Variants in RAP1A observed in about 807,000 individuals in gnomAD.
RAP1A encodes the protein RAP1A, member of RAS oncogene family.
Under a neutral mutation model 26.4 loss-of-function variants are expected in RAP1A, and 6 were observed. The observed-to-expected ratio is 0.23, with a 90% CI of 0.12 to 0.45. RAP1A has a LOEUF of 0.45. Among genes scored for constraint, RAP1A ranks in the 20% least tolerant of loss-of-function variants. The pLI is 0.99. For synonymous variants in RAP1A, 73 were observed against 79.4 expected (o/e 0.92, Z 0.43); for missense variants, 121 against 217.2 (o/e 0.56, Z 2.78).
At chr1:111,669,026 G>GAAAAAAAAAAA (rs58557062) in intron 1 of RAP1A, among the ~76,000 whole-genome samples, 2 of 19,842 alleles carry the variant, frequency 1.0e-4, no homozygotes, top group African/African-American at 2.8e-4. Context: ...CCTATCTCAA[G>GAAAAAAAAAAA]AAAAAAAAAA....
At chr1:111,709,296 C>A in intron 7 of RAP1A, 32 bp downstream of exon 7, 1 of 1,539,764 alleles carries the variant, frequency 6.5e-7, no homozygotes. Context: ...AAGTGCCTTT[C>A]TCATGCTCCT....
At chr1:111,635,701 G>T (rs1185323146) in intron 1 of RAP1A, among the ~76,000 whole-genome samples, 1 of 152,054 alleles carries the variant, frequency 6.6e-6, no homozygotes, top group East Asian at 1.9e-4. Flanking sequence ...AGGTAGCTGG[G>T]GTTATAGGCT....
At chr1:111,557,484 A>G (rs1214663010) in intron 1 of RAP1A, among the ~76,000 whole-genome samples, 2 of 151,808 alleles carry the variant, frequency 1.3e-5, no homozygotes, top group Non-Finnish European at 2.9e-5. Flanking sequence ...CAGGAGGAGG[A>G]GGTTGCAGTG....
chr1:111,586,874 C>T (rs1658374609), intron 1 of RAP1A, among the ~76,000 whole-genome samples: 1 of 152,216 alleles, frequency 6.6e-6, no homozygotes, highest in African/African-American at 2.4e-5. Flanking sequence ...TGGCTAAAAT[C>T]ATGGCGACCC....
At chr1:111,685,231 A>G (rs1300897131) in intron 1 of RAP1A, among the ~76,000 whole-genome samples, 3 of 152,226 alleles carry the variant, frequency 2.0e-5, no homozygotes, top group Non-Finnish European at 4.4e-5. Context: ...CTTCATGGCT[A>G]AAACACCAAA....
intron 1 of RAP1A, among the ~76,000 whole-genome samples, chr1:111,682,143 C>G (rs1000685886): frequency 6.6e-6 from 1 of 152,104 alleles, no homozygotes; most frequent in African/African-American, 2.4e-5. Flanking sequence ...CAAGCAAATG[C>G]TGAGGGATTT....
intron 5 of RAP1A, 147 bp from the exon 6 acceptor site, chr1:111,704,196 C>T: frequency 1.5e-6 from 1 of 649,942 alleles, no homozygotes; most frequent in Non-Finnish European, 2.3e-6. Flanking sequence ...CTCTTCCCCT[C>T]AACATATACT....
chr1:111,671,384 T>C (rs975558938), intron 1 of RAP1A, among the ~76,000 whole-genome samples: 2 of 152,230 alleles, frequency 1.3e-5, no homozygotes, highest in African/African-American at 4.8e-5. Flanking sequence ...TGTTTTTAAA[T>C]ACTGACTTCA....
At chr1:111,584,512 A>C (rs1658323140) in intron 1 of RAP1A, among the ~76,000 whole-genome samples, 1 of 152,092 alleles carries the variant, frequency 6.6e-6, no homozygotes, top group Non-Finnish European at 1.5e-5. Context: ...TAAGGGCACT[A>C]ATCCTATTCA....
intron 1 of RAP1A, among the ~76,000 whole-genome samples, chr1:111,573,201 A>T (rs751549307): frequency 6.6e-6 from 1 of 152,180 alleles, no homozygotes; most frequent in Non-Finnish European, 1.5e-5. Context: ...TAGTGCTCCA[A>T]TGAATGTATG....
chr1:111,621,995 A>G (rs189404518), intron 1 of RAP1A, among the ~76,000 whole-genome samples: 19 of 152,374 alleles, frequency 1.2e-4, no homozygotes, highest in Admixed American at 2.6e-4. Context: ...AAATATTCCA[A>G]AAGAAAGAAA....
chr1:111,548,256 A>T (rs1407482311), intron 1 of RAP1A, among the ~76,000 whole-genome samples: 2 of 152,174 alleles, frequency 1.3e-5, no homozygotes, highest in Admixed American at 1.3e-4. Context: ...CCTGGCCTCA[A>T]GCGACCCACC....
intron 1 of RAP1A, among the ~76,000 whole-genome samples, chr1:111,610,332 A>G (rs1658901960): frequency 6.6e-6 from 1 of 152,176 alleles, no homozygotes; most frequent in Admixed American, 6.6e-5. Flanking sequence ...TAATTTCTGA[A>G]TCTGGTTTGA....
At chr1:111,669,699 T>G (rs1292175599) in intron 1 of RAP1A, among the ~76,000 whole-genome samples, 1 of 152,218 alleles carries the variant, frequency 6.6e-6, no homozygotes, top group Non-Finnish European at 1.5e-5. Context: ...CTAATAGTTG[T>G]CTAACCAGAA....
At chr1:111,666,365 C>T (rs955042971) in intron 1 of RAP1A, among the ~76,000 whole-genome samples, 15 of 152,122 alleles carry the variant, frequency 9.9e-5, no homozygotes, top group Admixed American at 7.2e-4. Flanking sequence ...TGTGGTAACA[C>T]TCAGCCATGC....
intron 1 of RAP1A, among the ~76,000 whole-genome samples, chr1:111,645,480 A>G (rs1448199947): frequency 1.3e-5 from 2 of 152,316 alleles, no homozygotes; most frequent in African/African-American, 2.4e-5. Context: ...TTATATAATA[A>G]TATTTTCTCC....
intron 1 of RAP1A, chr1:111,563,764 A>G: frequency 1.0e-6 from 1 of 1,000,356 alleles, no homozygotes; most frequent in Non-Finnish European, 1.5e-6. Context: ...CATATCATGA[A>G]TAAATGTTCC....
chr1:111,710,572 C>T (rs998231474), intron 7 of RAP1A, among the ~76,000 whole-genome samples: 7 of 152,212 alleles, frequency 4.6e-5, no homozygotes, highest in Admixed American at 3.3e-4. Context: ...TACACTAACT[C>T]TTGTAAGTCT....
chr1:111,688,817 T>G (rs1661577614), intron 1 of RAP1A, among the ~76,000 whole-genome samples: 1 of 72,818 alleles, frequency 1.4e-5, no homozygotes, highest in South Asian at 4.7e-4. Flanking sequence ...TGTTTTTTTT[T>G]TTTTGTTTTT....
Sources: allele counts gnomAD v4.1 joint callset (sites outside exome capture counted in the v4.1 genomes callset), GRCh38; gene constraint gnomAD v4.1.1; transcripts MANE v1.5; gene names NCBI Gene and HGNC (gene_info 2026-07-23, HGNC 2026-07-21).